Variants in CCDC73 observed in about 807,000 individuals in gnomAD.
The protein encoded by CCDC73 is coiled-coil domain containing 73, also known as coiled-coil domain-containing protein 73.
CCDC73 carries 95 observed loss-of-function variants against 116.5 expected under a neutral mutation model. The ratio of observed to expected loss-of-function variants is 0.82; its 90% CI spans 0.69 to 0.97. The LOEUF (loss-of-function observed/expected upper bound fraction) is 0.97, where lower values mean the gene tolerates loss of function less well. Among genes scored for constraint, CCDC73 ranks in the 50% least tolerant of loss-of-function variants. The pLI, the probability that CCDC73 is intolerant of heterozygous loss-of-function variation, is 0.00. For missense variants in CCDC73, 1,066 were observed against 1,206.8 expected, an observed-to-expected ratio of 0.88 and a Z score of 1.73; for synonymous variants, 398 against 401.3, an observed-to-expected ratio of 0.99 and a Z score of 0.10.
In CCDC73 at chr11:32,614,877, G is replaced by T; in HGVS notation, c.1441C>A (p.Gln481Lys). The T allele has an allele frequency of 6.2e-7, 1 of 1,611,476 alleles. No individual in the cohort carries two copies. ...GTTTTGCTTAAGGAGATTTCACTTT[G>T]ATTTTCATCCTGAGAAACAACAGTA... is the stretch of plus-strand genomic sequence containing the variant. ...IDTVVSQDENQSEISLSKTLS... is the reference protein window; with the variant it reads ...IDTVVSQDENKSEISLSKTLS... The change falls in exon 16 of 18, where the codon CAA becomes AAA. Residue 481 changes from glutamine to lysine, a missense_variant. Gln to Lys is a moderately conservative substitution (Grantham distance 53, BLOSUM62 1). Transcript: ENST00000335185.
chr11:32,635,665 G>A (rs1855670559), intron 14 of CCDC73, 31 bp downstream of exon 14: 1 of 1,261,198 alleles, frequency 7.9e-7, no homozygotes, highest in Non-Finnish European at 1.0e-6. Context: ...TTCTTTGATA[G>A]TTTGTACCCC....
At chr11:32,683,641 C>T in intron 6 of CCDC73, 67 bp from the exon 7 acceptor site, 1 of 930,126 alleles carries the variant, frequency 1.1e-6, no homozygotes, top group Non-Finnish European at 1.7e-6. Flanking sequence ...CCTCTGATAT[C>T]AAAAGTGCGT....
At chr11:32,715,049 C>T (rs1849932561) in intron 3 of CCDC73, among the ~76,000 whole-genome samples, 1 of 152,170 alleles carries the variant, frequency 6.6e-6, no homozygotes, top group African/African-American at 2.4e-5. Flanking sequence ...AGCTTGCTAA[C>T]ACCCTACCTA....
chr11:32,658,941 G>A (rs1172062062), intron 9 of CCDC73, among the ~76,000 whole-genome samples: 1 of 152,128 alleles, frequency 6.6e-6, no homozygotes, highest in Non-Finnish European at 1.5e-5. Flanking sequence ...AATAGAAAGT[G>A]TGCTTCACTG....
chr11:32,644,257 T>C (rs1855757361), intron 12 of CCDC73, among the ~76,000 whole-genome samples: 1 of 152,136 alleles, frequency 6.6e-6, no homozygotes, highest in Non-Finnish European at 1.5e-5. Context: ...TACCACATGT[T>C]CTCACTTATA....
At chr11:32,696,171 T>C (rs922960840) in intron 6 of CCDC73, among the ~76,000 whole-genome samples, 1 of 152,190 alleles carries the variant, frequency 6.6e-6, no homozygotes, top group African/African-American at 2.4e-5. Flanking sequence ...ATTTTTGTAT[T>C]AACAAACTTA....
At chr11:32,726,931 T>G (rs1353746610) in intron 2 of CCDC73, among the ~76,000 whole-genome samples, 1 of 152,162 alleles carries the variant, frequency 6.6e-6, no homozygotes, top group East Asian at 1.9e-4. Flanking sequence ...GCTGAAGCCA[T>G]GTTCAGAAAA....
intron 2 of CCDC73, among the ~76,000 whole-genome samples, chr11:32,718,449 C>T (rs1174754746): frequency 6.6e-6 from 1 of 152,114 alleles, no homozygotes; most frequent in Non-Finnish European, 1.5e-5. Context: ...TAATAAATTG[C>T]TAAAGGTAGA....
chr11:32,724,777 G>C (rs1290128919), intron 2 of CCDC73, among the ~76,000 whole-genome samples: 3 of 152,146 alleles, frequency 2.0e-5, no homozygotes, highest in East Asian at 3.9e-4. Context: ...CATCACATGC[G>C]AACTGCCTGA....
chr11:32,826,651 AAAAAAAAAC>A, the CCDC73 span, among the ~76,000 whole-genome samples: 1 of 131,850 alleles, frequency 7.6e-6, no homozygotes, highest in African/African-American at 2.9e-5. Flanking sequence ...TAACTCAAAA[AAAAAAAAAC>A]AAAAAAAAAA....
chr11:32,722,396 G>A (rs754877821), intron 2 of CCDC73, among the ~76,000 whole-genome samples: 1 of 152,168 alleles, frequency 6.6e-6, no homozygotes, highest in East Asian at 1.9e-4. Context: ...CCAGTCATTG[G>A]CAGGGGAAGT....
intron 2 of CCDC73, among the ~76,000 whole-genome samples, chr11:32,753,023 G>C (rs528053032): frequency 7.2e-4 from 109 of 152,166 alleles, no homozygotes; most frequent in Admixed American, 3.1e-3. Context: ...GCCCAGGCTG[G>C]CCTCCAACTC....
At chr11:32,658,074 T>G (rs1855891146) in intron 9 of CCDC73, among the ~76,000 whole-genome samples, 1 of 151,234 alleles carries the variant, frequency 6.6e-6, no homozygotes, top group African/African-American at 2.4e-5. Flanking sequence ...TGCCTTAGGC[T>G]TTCTTCTGCA....
chr11:32,770,296 A>G (rs1260285489), intron 1 of CCDC73, among the ~76,000 whole-genome samples: 1 of 152,190 alleles, frequency 6.6e-6, no homozygotes, highest in Non-Finnish European at 1.5e-5. Context: ...CCTACACTGT[A>G]GAGCTCATAC....
intron 2 of CCDC73, among the ~76,000 whole-genome samples, chr11:32,754,301 C>T (rs1022367778): frequency 1.3e-5 from 2 of 152,000 alleles, no homozygotes; most frequent in Non-Finnish European, 1.5e-5. Context: ...GGTTAGATAG[C>T]AGGTAAAAAC....
At chr11:32,730,421 T>G (rs1448811448) in intron 2 of CCDC73, among the ~76,000 whole-genome samples, 2 of 152,206 alleles carry the variant, frequency 1.3e-5, no homozygotes, top group Admixed American at 6.5e-5. Flanking sequence ...TTTTGAGGAT[T>G]TTTTTGCTGG....
At chr11:32,627,643 A>C (rs1385051749) in intron 14 of CCDC73, among the ~76,000 whole-genome samples, 1 of 152,224 alleles carries the variant, frequency 6.6e-6, no homozygotes, top group Non-Finnish European at 1.5e-5. Flanking sequence ...TGCAGCCATA[A>C]AAAAGGATGA....
At chr11:32,735,633 T>C (rs1211548156) in intron 2 of CCDC73, among the ~76,000 whole-genome samples, 3 of 152,208 alleles carry the variant, frequency 2.0e-5, no homozygotes, top group African/African-American at 7.2e-5. Flanking sequence ...TACCAATGAC[T>C]TTCTTCACAG....
Position 32,746,103 on chromosome 11 carries a change from T to G in CCDC73, c.135+14006A>C, listed in dbSNP as rs555360241. 1.6e-4 allele frequency among the ~76,000 whole-genome samples: 25 copies of G among 152,348 alleles called. No individual in the cohort carries two copies. In the South Asian group the frequency reaches 5.2e-3, roughly 32 times the overall value. On this transcript the variant is annotated intron_variant, in intron 2 of 17. Coordinates refer to ENST00000335185, the MANE Select transcript of CCDC73 (RefSeq NM_001008391.4). Reference sequence around the variant, plus strand: ...TATGTTTAGTGCTTCCTTCAGGAGCTCTTGTAAGGCAGGCCTGGTGGTGAC... The same window carrying G: ...TATGTTTAGTGCTTCCTTCAGGAGCGCTTGTAAGGCAGGCCTGGTGGTGAC...
Sources: allele counts gnomAD v4.1 joint callset (sites outside exome capture counted in the v4.1 genomes callset), GRCh38; gene constraint gnomAD v4.1.1; transcripts MANE v1.5; gene names NCBI Gene and HGNC (gene_info 2026-07-23, HGNC 2026-07-21).